The following ASXL1 variants were observed in gnomAD, a reference collection of about 807,000 sequenced individuals.
ASXL1 encodes ASXL transcriptional regulator 1.
A neutral mutation model predicts 89.1 loss-of-function variants in ASXL1; 65 were observed. That is an observed-to-expected ratio of 0.73 (90% confidence interval 0.60 to 0.90). ASXL1 has a LOEUF of 0.90. Ranked by LOEUF, ASXL1 falls within the 40% of genes least tolerant of loss-of-function variation. The pLI, the probability that ASXL1 is intolerant of heterozygous loss-of-function variation, is 0.00. For missense variants in ASXL1, 1,786 were observed against 1,942.9 expected, an observed-to-expected ratio of 0.92 and a Z score of 1.52; for synonymous variants, 739 against 746.9, an observed-to-expected ratio of 0.99 and a Z score of 0.17.
chr20:32,381,779 G>C (rs2048490538), intron 4 of ASXL1, among the ~76,000 whole-genome samples: 2 of 152,060 alleles, frequency 1.3e-5, no homozygotes, highest in Admixed American at 6.5e-5. Context: ...CTCCCAAAGT[G>C]CTGGGATTAC....
intron 4 of ASXL1, among the ~76,000 whole-genome samples, chr20:32,411,473 C>T (rs888815664): frequency 6.6e-6 from 1 of 151,238 alleles, no homozygotes. Context: ...AGCGATCCAC[C>T]CGCCTCAGCC....
intron 4 of ASXL1, among the ~76,000 whole-genome samples, chr20:32,387,351 T>A (rs1052753352): frequency 7.9e-5 from 12 of 152,214 alleles, no homozygotes; most frequent in African/African-American, 2.9e-4. Context: ...TTTCTATTTG[T>A]CATGCCCTGT....
rs367600368 is a variant in ASXL1, at chr20:32,406,123, C to T, written c.253-22005C>T. 2.0e-5 allele frequency among the ~76,000 whole-genome samples: 3 copies of T among 152,240 alleles called. No homozygotes were observed. The East Asian group carries it at 5.8e-4, about 29-fold the overall frequency. ...ATATTTACATACATACACATATGTTCACTCAATCTATATTTATATCTGTCT... is the reference window on the plus strand; with the variant it reads ...ATATTTACATACATACACATATGTTTACTCAATCTATATTTATATCTGTCT... On this transcript the variant is annotated intron_variant, in intron 4 of 12. Coordinates refer to ENST00000375687, the MANE Select transcript of ASXL1 (RefSeq NM_015338.6).
At position 32,358,491 on chromosome 20, in the gene ASXL1, G is replaced by A. The variant is rs548312050; in HGVS notation, c.-285G>A. Reference sequence around the variant, plus strand: ...TGACCTCTGACCCCGTGGTTATGCGGAGCCGCCGCATTCCTTAGCGATCGC... The same window carrying A: ...TGACCTCTGACCCCGTGGTTATGCGAAGCCGCCGCATTCCTTAGCGATCGC... On this transcript the variant is annotated 5_prime_UTR_variant, in exon 1 of 13. Coordinates refer to ENST00000375687, the MANE Select transcript of ASXL1 (RefSeq NM_015338.6). 6.3e-4 allele frequency: 145 copies of A among 230,654 alleles called. No individual in the cohort carries two copies. The highest frequency in any genetic ancestry group is 2.5e-3 in the African/African-American group (115 of 45,186). 14.3% of individuals were successfully genotyped at this position (230,654 alleles called of 1,614,324 possible). A position where few individuals can be genotyped will look rare whatever the true frequency, so the allele number is the denominator to read the frequency against.
At position 32,430,021 on chromosome 20, in the gene ASXL1, C is replaced by T. The variant is rs576523117; in HGVS notation, c.686C>T (p.Pro229Leu). ...GQAEVTQDPA[P>L]LLRGFRKPAT... The stretch of plus-strand genomic sequence containing the variant: ...GCCGAGGTCACCCAGGACCCTGCCC[C>T]GCTCCTGAGAGGCTTCCGGAAGCCA... Residue 229 changes from proline (P) to leucine (L), a missense_variant, in exon 8 of 13, where the codon CCG becomes CTG. This residue lies in a region of ASXL1 where 332 missense variants were observed against 449.7 expected (regional missense o/e 0.74). Transcript: ENST00000375687. 116 of 1,607,400 alleles carry T rather than the reference C, an allele frequency of 7.2e-5. 1 individual carries two copies. The highest frequency in any genetic ancestry group is 1.2e-4 in the African/African-American group (9 of 75,058).
At chr20:32,382,949 C>G (rs1374540006) in intron 4 of ASXL1, among the ~76,000 whole-genome samples, 1 of 152,090 alleles carries the variant, frequency 6.6e-6, no homozygotes, top group African/African-American at 2.4e-5. Flanking sequence ...AATTTACTGT[C>G]ATTTTACAGA....
chr20:32,430,996 G>A (rs547213810), intron 8 of ASXL1: 82 of 534,392 alleles, frequency 1.5e-4, no homozygotes, highest in Middle Eastern at 3.3e-4. Flanking sequence ...GTTGAGCTTT[G>A]TGGAGCCTGT....
At position 32,436,890 on chromosome 20, in the gene ASXL1, T is replaced by C. The variant is rs985313016; in HGVS notation, c.4178T>C (p.Leu1393Pro). 6.2e-7 allele frequency: 1 copy of C among 1,614,228 alleles called. No individual in the cohort carries two copies. The highest frequency in any genetic ancestry group is 8.5e-7 in the Non-Finnish European group (1 of 1,180,044). Residue 1393 changes from leucine to proline, a missense_variant, in exon 13 of 13, where the codon CTG becomes CCG. By Grantham distance (98) the Leu-to-Pro change is moderately conservative (BLOSUM62 -3). Around this residue, in one of 3 missense-constraint regions of ASXL1, gnomAD observed 1,418 missense variants for 1,427.8 expected, o/e 0.99. Transcript: ENST00000375687. ...AGGAAAGCTACTGGGCATAGTCCCC[T>C]GGAACTGGTGGGTCACTTGGAAGGG... ...ENRKATGHSP[L>P]ELVGHLEGMP...
At chr20:32,362,468 C>G (rs896305564) in intron 1 of ASXL1, among the ~76,000 whole-genome samples, 2 of 152,154 alleles carry the variant, frequency 1.3e-5, no homozygotes, top group African/African-American at 4.8e-5. Flanking sequence ...AACCCCATCT[C>G]TACTAAAAAT....
intron 10 of ASXL1, 188 bp from the exon 11 acceptor site, chr20:32,432,692 C>G (rs987335484): frequency 1.4e-5 from 9 of 643,910 alleles, no homozygotes; most frequent in African/African-American, 1.1e-4. Flanking sequence ...CAAGGAGTTG[C>G]TTGGTCTCAC....
intron 2 of ASXL1, 48 bp downstream of exon 2, chr20:32,366,514 G>A: frequency 6.2e-7 from 1 of 1,613,244 alleles, no homozygotes; most frequent in Non-Finnish European, 8.5e-7. Context: ...TAGGATATGT[G>A]TCTTTCTGTA....
intron 4 of ASXL1, among the ~76,000 whole-genome samples, chr20:32,409,013 G>A (rs2049002202): frequency 6.6e-6 from 1 of 151,322 alleles, no homozygotes; most frequent in Admixed American, 6.6e-5. Flanking sequence ...TGCTCTTGTT[G>A]CCCAGGCTGG....
chr20:32,402,819 G>A (rs1221689692), intron 4 of ASXL1, among the ~76,000 whole-genome samples: 1 of 152,126 alleles, frequency 6.6e-6, no homozygotes, highest in Admixed American at 6.5e-5. Context: ...ACTGTTGAGT[G>A]TTCTAGACAC....
chr20:32,434,431 G>A lies in ASXL1; in HGVS notation c.1720-1G>A, dbSNP rs1254271466. 2.5e-6 allele frequency: 4 copies of A among 1,613,846 alleles called. No homozygotes were observed. The highest frequency in any genetic ancestry group is 3.4e-6 in the Non-Finnish European group (4 of 1,179,996). On this transcript the variant is annotated splice_acceptor_variant, in intron 12 of 12. Transcript: ENST00000375687. LOFTEE classifies it high-confidence loss of function. ...ACTATTTTCTAATTCTTTTTTTGCA[G>A]ATTCAACTTTCACGTATCAAACCAC... is the stretch of plus-strand genomic sequence containing the variant.
chr20:32,391,548 G>A (rs1340607705), intron 4 of ASXL1, among the ~76,000 whole-genome samples: 1 of 152,176 alleles, frequency 6.6e-6, no homozygotes, highest in Non-Finnish European at 1.5e-5. Flanking sequence ...GCAATGGCAA[G>A]ATTATATTAT....
rs2012055475 is a variant in ASXL1 at position 32,438,538 on chromosome 20, A to AGAGCCACAGTCAGCCTGCC, written c.*1201_*1219dup. On this transcript the variant is annotated 3_prime_UTR_variant, in exon 13 of 13. Coordinates refer to ENST00000375687, the MANE Select transcript of ASXL1 (RefSeq NM_015338.6). ...ACCGGCTGGACCTGCTGCAGCCTGC[A>AGAGCCACAGTCAGCCTGCC]GAGCCACAGTCAGCCTGCCCACATG... 4.3e-6 allele frequency: 1 copy of AGAGCCACAGTCAGCCTGCC among 233,652 alleles called. No homozygotes were observed. The highest frequency in any genetic ancestry group is 8.5e-6 in the Non-Finnish European group (1 of 118,062). The allele number at this position is 233,652 out of a possible 1,614,324, so 14.5% of individuals were successfully genotyped here.
intron 4 of ASXL1, among the ~76,000 whole-genome samples, chr20:32,405,844 T>C (rs1569290166): frequency 6.6e-6 from 1 of 152,192 alleles, no homozygotes; most frequent in Non-Finnish European, 1.5e-5. Flanking sequence ...GATTATCTCT[T>C]TGATCACTTG....
At chr20:32,431,829 AT>A in intron 10 of ASXL1, 150 bp downstream of exon 10, 1 of 836,076 alleles carries the variant, frequency 1.2e-6, no homozygotes, top group Admixed American at 2.0e-5. Context: ...TGTGGTGGGT[AT>A]TAATATGCCA....
chr20:32,360,158 A>G (rs949241763), intron 1 of ASXL1: 41 of 217,546 alleles, frequency 1.9e-4, no homozygotes, highest in African/African-American at 9.3e-4. Flanking sequence ...TTACAGATTT[A>G]TAAAAACTGA....
Sources: allele counts gnomAD v4.1 joint callset (sites outside exome capture counted in the v4.1 genomes callset), GRCh38; gene constraint gnomAD v4.1.1; regional missense constraint gnomAD v4.1.1; transcripts MANE v1.5; gene names NCBI Gene and HGNC (gene_info 2026-07-23, HGNC 2026-07-21).